Variants in KCNIP4 observed in about 807,000 individuals in gnomAD.
The protein encoded by KCNIP4 is potassium voltage-gated channel interacting protein 4, also known as Kv channel-interacting protein 4.
KCNIP4 carries 12 observed loss-of-function variants against 34.0 expected under a neutral mutation model. The observed-to-expected ratio is 0.35, with a 90% CI of 0.23 to 0.57. The LOEUF is 0.57. Among genes scored for constraint, KCNIP4 ranks in the 20% least tolerant of loss-of-function variants. The pLI, the probability that KCNIP4 is intolerant of heterozygous loss-of-function variation, is 0.83. For missense variants in KCNIP4, 238 were observed against 311.7 expected (o/e 0.76, Z 1.78); for synonymous variants, 124 against 102.2 (o/e 1.21, Z -1.29).
intron 1 of KCNIP4, among the ~76,000 whole-genome samples, chr4:21,269,676 T>C (rs1468570720): frequency 2.0e-5 from 3 of 152,174 alleles, no homozygotes; most frequent in African/African-American, 4.8e-5. Context: ...ATTTTAGGCA[T>C]GAGCCACTGC....
At chr4:21,232,204 C>G (rs1758841161) in intron 1 of KCNIP4, among the ~76,000 whole-genome samples, 1 of 152,050 alleles carries the variant, frequency 6.6e-6, no homozygotes, top group Admixed American at 6.6e-5. Context: ...AAGGCTTTAA[C>G]TTTAATGGTG....
intron 1 of KCNIP4, among the ~76,000 whole-genome samples, chr4:21,412,545 G>A (rs1260533041): frequency 6.6e-6 from 1 of 152,156 alleles, no homozygotes; most frequent in Non-Finnish European, 1.5e-5. Flanking sequence ...AACTTATGCT[G>A]CTGTGAATTT....
intron 1 of KCNIP4, among the ~76,000 whole-genome samples, chr4:21,547,022 A>G (rs1467135724): frequency 6.6e-6 from 1 of 152,168 alleles, no homozygotes; most frequent in Non-Finnish European, 1.5e-5. Flanking sequence ...ATATTTCCTC[A>G]TCACATTCAT....
intron 1 of KCNIP4, among the ~76,000 whole-genome samples, chr4:20,920,559 G>C (rs181563514): frequency 1.3e-5 from 2 of 152,252 alleles, no homozygotes; most frequent in South Asian, 4.2e-4. Context: ...ATACACAGTG[G>C]GGAGAGGCAG....
At chr4:21,330,430 A>G (rs929572081) in intron 1 of KCNIP4, among the ~76,000 whole-genome samples, 28 of 152,188 alleles carry the variant, frequency 1.8e-4, no homozygotes, top group African/African-American at 6.8e-4. Context: ...AGATAATAAC[A>G]TTTATAGTTA....
intron 1 of KCNIP4, among the ~76,000 whole-genome samples, chr4:21,362,518 T>G (rs1719331979): frequency 6.6e-6 from 1 of 152,146 alleles, no homozygotes; most frequent in African/African-American, 2.4e-5. Flanking sequence ...TAGGTAATCT[T>G]GGGTAGAATA....
At position 21,074,225 on chromosome 4, in the gene KCNIP4, C is replaced by T. The variant is rs543560579; in HGVS notation, c.62-191516G>A. ...TCAGAAGGAATGGTATCAGCTCCTC[C>T]TTGTACCTCTGGTAGAAATCGGCTG... is the stretch of plus-strand genomic sequence containing the variant. On this transcript the variant is annotated intron_variant, in intron 1 of 8. Coordinates refer to ENST00000382152, the MANE Select transcript of KCNIP4 (RefSeq NM_025221.6). 9.2e-5 allele frequency among the ~76,000 whole-genome samples: 14 copies of T among 152,262 alleles called. No homozygotes were observed. The East Asian group carries it at 2.7e-3, about 29-fold the overall frequency.
intron 1 of KCNIP4, among the ~76,000 whole-genome samples, chr4:21,664,523 T>C (rs1748692870): frequency 2.0e-5 from 3 of 152,170 alleles, no homozygotes; most frequent in Admixed American, 2.0e-4. Flanking sequence ...AAATGGCTTA[T>C]GGTGAGTTAA....
At chr4:21,635,352 G>A (rs983281017) in intron 1 of KCNIP4, among the ~76,000 whole-genome samples, 5 of 152,160 alleles carry the variant, frequency 3.3e-5, no homozygotes, top group Admixed American at 1.3e-4. Flanking sequence ...ATAGCCCAGA[G>A]TTCTAGAGAA....
At chr4:21,910,717 CA>C (rs1728258887) in intron 1 of KCNIP4, among the ~76,000 whole-genome samples, 1 of 152,166 alleles carries the variant, frequency 6.6e-6, no homozygotes, top group Non-Finnish European at 1.5e-5. Context: ...AGTTAAGAGG[CA>C]AATGAAATTT....
At chr4:21,434,526 G>A (rs192460708) in intron 1 of KCNIP4, among the ~76,000 whole-genome samples, 121 of 152,226 alleles carry the variant, frequency 7.9e-4, no homozygotes, top group Admixed American at 2.0e-3. Context: ...ACCACTCTGT[G>A]GCCTGTTAGG....
In KCNIP4 at chr4:20,900,347, CG is replaced by C. The variant is rs541978326; in HGVS notation, c.62-17639del. 2.7e-3 allele frequency among the ~76,000 whole-genome samples: 408 copies of C among 152,294 alleles called. 1 individual carries two copies. The highest frequency in any genetic ancestry group is 4.9e-3 in the Non-Finnish European group (330 of 68,030). ...GGATGATCAGAAGTCTGAAAACTAA[CG>C]GAGTGTGTACATTAACCTGGTAGAT... On this transcript the variant is annotated intron_variant, in intron 1 of 8. Coordinates refer to ENST00000382152, the MANE Select transcript of KCNIP4 (RefSeq NM_025221.6).
chr4:21,589,336 A>C (rs1182761902), intron 1 of KCNIP4, among the ~76,000 whole-genome samples: 1 of 147,726 alleles, frequency 6.8e-6, no homozygotes, highest in Admixed American at 6.8e-5. Flanking sequence ...ACGTGTATAT[A>C]TATACATGTG....
intron 1 of KCNIP4, among the ~76,000 whole-genome samples, chr4:21,693,897 C>G (rs1232096211): frequency 6.6e-6 from 1 of 152,058 alleles, no homozygotes; most frequent in Non-Finnish European, 1.5e-5. Flanking sequence ...TTGGACATGC[C>G]TATAACTTTC....
chr4:21,556,922 G>A (rs13143000), intron 1 of KCNIP4, among the ~76,000 whole-genome samples: 28,854 of 69,260 alleles, frequency 0.42, 4,700 homozygotes, highest in East Asian at 0.54. Context: ...CTCCATCTCA[G>A]AAAAAAAAAA....
intron 1 of KCNIP4, among the ~76,000 whole-genome samples, chr4:21,669,896 T>C (rs7671181): frequency 0.3 from 45,473 of 151,944 alleles, 7,846 homozygotes; most frequent in East Asian, 0.75. Context: ...TGGGAGAAGA[T>C]GGAAATTTTC....
At chr4:21,610,829 T>A (rs1029837978) in intron 1 of KCNIP4, among the ~76,000 whole-genome samples, 7 of 151,986 alleles carry the variant, frequency 4.6e-5, no homozygotes, top group African/African-American at 1.2e-4. Context: ...CTTTTTTTTT[T>A]TAATTATACT....
intron 1 of KCNIP4, among the ~76,000 whole-genome samples, chr4:21,945,447 T>G (rs908646074): frequency 6.6e-6 from 1 of 152,186 alleles, no homozygotes; most frequent in Non-Finnish European, 1.5e-5. Context: ...AATAAATGGA[T>G]TTTTCAATAT....
intron 1 of KCNIP4, among the ~76,000 whole-genome samples, chr4:21,717,481 T>G (rs1012956128): frequency 2.6e-5 from 4 of 152,096 alleles, no homozygotes; most frequent in African/African-American, 9.7e-5. Context: ...TTTATAACCC[T>G]CAAAAAAAGC....
Sources: gnomAD v4.1 joint callset for allele counts (sites outside exome capture counted in the v4.1 genomes callset) on GRCh38, gnomAD v4.1.1 for gene constraint, MANE v1.5 for transcripts, NCBI Gene and HGNC (gene_info 2026-07-23, HGNC 2026-07-21) for gene names.